Variants in NRG3 observed in about 807,000 individuals in gnomAD.
NRG3 encodes the protein neuregulin 3.
A neutral mutation model predicts 66.9 loss-of-function variants in NRG3; 31 were observed. That is an observed-to-expected ratio of 0.46 (90% CI 0.35 to 0.63). NRG3 has a LOEUF of 0.63. NRG3 is among the 20% of genes least tolerant of loss of function. NRG3 has a pLI of 0.00. For synonymous variants in NRG3, 393 were observed against 359.4 expected (o/e 1.09, Z -1.06); for missense variants, 910 against 878.9 (o/e 1.04, Z -0.45).
chr10:82,969,571 C>T (rs55711034), intron 6 of NRG3, among the ~76,000 whole-genome samples: 1 of 152,324 alleles, frequency 6.6e-6, no homozygotes, highest in Non-Finnish European at 1.5e-5. Flanking sequence ...TATAGGTCCA[C>T]TGTGAAAAAT....
intron 1 of NRG3, among the ~76,000 whole-genome samples, chr10:82,151,687 C>T (rs2070757148): frequency 6.9e-6 from 1 of 145,008 alleles, no homozygotes. Context: ...AGAAGGCAAA[C>T]TGAGCCTTGT....
At chr10:82,699,423 A>G (rs752733306) in intron 2 of NRG3, among the ~76,000 whole-genome samples, 3 of 151,970 alleles carry the variant, frequency 2.0e-5, no homozygotes, top group Non-Finnish European at 4.4e-5. Context: ...ATTATTTTTA[A>G]CGTTCTTTAG....
intron 3 of NRG3, among the ~76,000 whole-genome samples, chr10:82,801,377 G>C (rs1389316457): frequency 6.6e-6 from 1 of 152,094 alleles, no homozygotes; most frequent in East Asian, 1.9e-4. Context: ...CTTATGTGTT[G>C]GCAAGATAGT....
intron 1 of NRG3, among the ~76,000 whole-genome samples, chr10:82,224,914 C>G (rs1347457076): frequency 1.3e-5 from 2 of 151,836 alleles, no homozygotes; most frequent in South Asian, 2.1e-4. Context: ...CTAAAACAAA[C>G]AAGAATAATA....
At chr10:82,665,507 T>G (rs1290785304) in intron 2 of NRG3, among the ~76,000 whole-genome samples, 1 of 152,172 alleles carries the variant, frequency 6.6e-6, no homozygotes, top group South Asian at 2.1e-4. Context: ...TCTGTACTAA[T>G]TCCATTGCTG....
intron 2 of NRG3, among the ~76,000 whole-genome samples, chr10:82,384,978 T>C (rs538587672): frequency 6.6e-6 from 1 of 152,270 alleles, no homozygotes; most frequent in South Asian, 2.1e-4. Context: ...TTCTCCAGCA[T>C]CTGTTGTTTT....
At chr10:82,296,310 G>T (rs2080057504) in intron 1 of NRG3, among the ~76,000 whole-genome samples, 1 of 152,176 alleles carries the variant, frequency 6.6e-6, no homozygotes, top group African/African-American at 2.4e-5. Flanking sequence ...AGGGTTGAGA[G>T]TGGGTGAAGT....
intron 3 of NRG3, chr10:82,827,114 T>A (rs1391871088): frequency 3.0e-6 from 1 of 334,716 alleles, no homozygotes; most frequent in Non-Finnish European, 5.8e-6. Flanking sequence ...CTCTTGATAT[T>A]GAGAATTTTA....
intron 2 of NRG3, among the ~76,000 whole-genome samples, chr10:82,490,943 A>C (rs747753261): frequency 3.9e-5 from 6 of 152,114 alleles, no homozygotes; most frequent in Non-Finnish European, 8.8e-5. Context: ...GGCAGCCAAT[A>C]TGGCAGCGTG....
chr10:82,626,060 T>C (rs1446596898), intron 2 of NRG3, among the ~76,000 whole-genome samples: 1 of 152,148 alleles, frequency 6.6e-6, no homozygotes, highest in African/African-American at 2.4e-5. Flanking sequence ...ATGATTTATG[T>C]AGATAGGGCT....
intron 1 of NRG3, among the ~76,000 whole-genome samples, chr10:81,957,027 C>T (rs1564689268): frequency 6.6e-6 from 1 of 152,184 alleles, no homozygotes; most frequent in Non-Finnish European, 1.5e-5. Context: ...ATGTCCAGCT[C>T]TCTTTGAACC....
intron 1 of NRG3, among the ~76,000 whole-genome samples, chr10:82,220,732 A>G (rs2075901321): frequency 6.6e-6 from 1 of 152,228 alleles, no homozygotes. Flanking sequence ...AATTACAGTT[A>G]TAGCTGAGCA....
rs530207007 is a variant in NRG3 at position 82,458,004 on chromosome 10, C to T, written c.953+99136C>T. Among the ~76,000 whole-genome samples the T allele has an allele frequency of 3.9e-5, 6 of 152,338 alleles. No homozygotes were observed. In the South Asian group the frequency reaches 8.3e-4, roughly 21 times the overall value. ...GAAAGAAAGGAAGACAAGAAAGGCA[C>T]AGACCGTGGTGTGTGTGTTTGGGTG... On this transcript the variant is annotated intron_variant, in intron 2 of 8. Coordinates refer to ENST00000372141, the MANE Select transcript of NRG3 (RefSeq NM_001010848.4).
At chr10:81,877,069 G>A (rs186604342) in intron 1 of NRG3, among the ~76,000 whole-genome samples, 2 of 152,166 alleles carry the variant, frequency 1.3e-5, no homozygotes, top group African/African-American at 4.8e-5. Flanking sequence ...ACATCCAACC[G>A]TTTGGAAACA....
In NRG3 at chr10:82,897,419, A is replaced by C. The variant is rs535047975; in HGVS notation, c.1054+31982A>C. 5.9e-5 allele frequency among the ~76,000 whole-genome samples: 9 copies of C among 152,318 alleles called. 1 individual carries two copies. Among genetic ancestry groups the C allele is most frequent in the Admixed American group, 3.9e-4 (6 of 15,294 alleles). ...GTAACATGCAAAAGATCCATCTTGA[A>C]TATAACCTGCCCAGTCCCTGAAACA... is the stretch of plus-strand genomic sequence containing the variant. On this transcript the variant is annotated intron_variant, in intron 4 of 8. Coordinates refer to ENST00000372141, the MANE Select transcript of NRG3 (RefSeq NM_001010848.4).
chr10:82,116,478 A>G (rs138293677), intron 1 of NRG3, among the ~76,000 whole-genome samples: 2 of 152,230 alleles, frequency 1.3e-5, no homozygotes, highest in African/African-American at 4.8e-5. Context: ...GCCATCTTAA[A>G]TGTTTTTACT....
chr10:82,978,884 C>T, intron 7 of NRG3, 66 bp from the exon 8 acceptor site: 1 of 1,524,686 alleles, frequency 6.6e-7, no homozygotes. Context: ...TGAGCAGCCA[C>T]CTGTGAGGTT....
intron 2 of NRG3, among the ~76,000 whole-genome samples, chr10:82,651,909 C>G (rs752264709): frequency 1.3e-5 from 2 of 152,230 alleles, no homozygotes; most frequent in Non-Finnish European, 2.9e-5. Context: ...AGGATATTTC[C>G]CTGACCTCTT....
intron 1 of NRG3, among the ~76,000 whole-genome samples, chr10:82,309,911 C>A (rs371156896): frequency 9.2e-5 from 14 of 152,218 alleles, no homozygotes; most frequent in African/African-American, 2.6e-4. Flanking sequence ...ATTTTAATGG[C>A]AACATCAGCT....
Sources: allele counts gnomAD v4.1 joint callset (sites outside exome capture counted in the v4.1 genomes callset), GRCh38; gene constraint gnomAD v4.1.1; transcripts MANE v1.5; gene names NCBI Gene and HGNC (gene_info 2026-07-23, HGNC 2026-07-21).